Variants in IGHMBP2 observed in about 807,000 individuals in gnomAD.
IGHMBP2 encodes immunoglobulin mu DNA binding protein 2.
In IGHMBP2, 81 loss-of-function variants were observed where a neutral mutation model predicts 96.0. That is an observed-to-expected ratio of 0.84 (90% CI 0.71 to 1.01). The LOEUF (loss-of-function observed/expected upper bound fraction) is 1.01. IGHMBP2 is among the 50% of genes least tolerant of loss of function. IGHMBP2 has a pLI of 0.00. For missense variants in IGHMBP2, 1,227 were observed against 1,306.3 expected (o/e 0.94, Z 0.94); for synonymous variants, 557 against 548.9 (o/e 1.01, Z -0.21).
At chr11:68,907,289 A>T (rs1858240616) in intron 2 of IGHMBP2, among the ~76,000 whole-genome samples, 1 of 152,152 alleles carries the variant, frequency 6.6e-6, no homozygotes, top group Non-Finnish European at 1.5e-5. Context: ...GAAAAACTAC[A>T]TGTGACTCTC....
At chr11:68,934,038 A>C in intron 10 of IGHMBP2, 125 bp downstream of exon 10, 2 of 760,494 alleles carry the variant, frequency 2.6e-6, no homozygotes, top group Non-Finnish European at 4.6e-6. Context: ...GCCGTGAAAA[A>C]ACGGAGCCCC....
At chr11:68,904,329 C>A (rs1858085239) in intron 1 of IGHMBP2, among the ~76,000 whole-genome samples, 1 of 152,156 alleles carries the variant, frequency 6.6e-6, no homozygotes, top group Admixed American at 6.5e-5. Context: ...CAGTTCCACC[C>A]GCAGCGAGTT....
At position 68,917,876 on chromosome 11, in the gene IGHMBP2, A is replaced by G. The variant is rs1428895624; in HGVS notation, c.1053A>G (p.Thr351=). The change falls in exon 7 of 15, where the codon ACA becomes ACG. Residue 351 remains threonine (T), a synonymous_variant. Transcript: ENST00000255078. ...SLTSANVVLA[T]NTGASADGPL... ...CTTCGGCAAACGTGGTCCTTGCAAC[A>G]AACACAGGTGAGGGGGCGTCTCCAT... The G allele has an allele frequency of 6.2e-7, 1 of 1,613,986 alleles. No homozygotes were observed. Among genetic ancestry groups the G allele is most frequent in the Non-Finnish European group, 8.5e-7 (1 of 1,180,008 alleles).
intron 8 of IGHMBP2, chr11:68,933,050 A>G (rs1859376376): frequency 3.5e-6 from 2 of 569,804 alleles, no homozygotes; most frequent in South Asian, 4.0e-5. Context: ...CCATCCCAGG[A>G]TCCTTAACTT....
chr11:68,913,543 C>T (rs1456341084), intron 5 of IGHMBP2, among the ~76,000 whole-genome samples: 1 of 151,962 alleles, frequency 6.6e-6, no homozygotes, highest in Non-Finnish European at 1.5e-5. Flanking sequence ...TGGTCTTAAA[C>T]TCCTGACCTC....
At chr11:68,917,687 G>A in intron 6 of IGHMBP2, 49 bp from the exon 7 acceptor site, 1 of 1,480,234 alleles carries the variant, frequency 6.8e-7, no homozygotes, top group South Asian at 1.1e-5. Flanking sequence ...AGTTGAAGAA[G>A]TACAAAGTTG....
chr11:68,937,273 T>G (rs1047293263), intron 13 of IGHMBP2, among the ~76,000 whole-genome samples, 182 bp downstream of exon 13: 8 of 152,164 alleles, frequency 5.3e-5, no homozygotes, highest in African/African-American at 1.7e-4. Context: ...CCTAGGTCGG[T>G]GATCAGGTCA....
chr11:68,908,842 G>GTCT (rs1555242755), intron 4 of IGHMBP2, among the ~76,000 whole-genome samples: 1 of 134,620 alleles, frequency 7.4e-6, no homozygotes, highest in Non-Finnish European at 1.6e-5. Flanking sequence ...TTCCATTGAG[G>GTCT]TTTTTTTTTT....
intron 2 of IGHMBP2, 109 bp downstream of exon 2, chr11:68,906,347 G>A: frequency 8.4e-7 from 1 of 1,193,198 alleles, no homozygotes; most frequent in African/African-American, 1.5e-5. Context: ...ATAAAGCGTT[G>A]CAATGAAGAA....
In IGHMBP2 at chr11:68,939,750, G is replaced by T. The variant is rs773774188; in HGVS notation, c.*19G>T. On this transcript the variant is annotated 3_prime_UTR_variant, in exon 15 of 15. Transcript: ENST00000255078. ...GACGTGACCGGCCGCATCCTTGCAC[G>T]CCCCGCGGAGCTCTCTCCATGGTAG... 6.3e-7 allele frequency: 1 copy of T among 1,588,742 alleles called. No homozygotes were observed. The highest frequency in any genetic ancestry group is 1.8e-5 in the Admixed American group (1 of 55,180).
At chr11:68,924,477 G>A (rs771227770) in intron 7 of IGHMBP2, among the ~76,000 whole-genome samples, 17 of 152,250 alleles carry the variant, frequency 1.1e-4, no homozygotes, top group African/African-American at 2.2e-4. Flanking sequence ...ACAAGGCTGC[G>A]ATCGAGGTGT....
intron 7 of IGHMBP2, chr11:68,926,283 T>A (rs201241533): frequency 0.068 from 10,049 of 148,560 alleles, 436 homozygotes; most frequent in South Asian, 0.097. Flanking sequence ...TTTTTTTTTT[T>A]TTTTTTTAGA....
chr11:68,910,970 G>GT (rs778748247), intron 4 of IGHMBP2, among the ~76,000 whole-genome samples: 18 of 151,698 alleles, frequency 1.2e-4, no homozygotes, highest in Non-Finnish European at 2.4e-4. Flanking sequence ...GTTAATCATT[G>GT]TTTTTGTCAT....
chr11:68,921,298 T>C (rs1321455413), intron 7 of IGHMBP2, among the ~76,000 whole-genome samples: 4 of 150,470 alleles, frequency 2.7e-5, no homozygotes, highest in Non-Finnish European at 5.9e-5. Flanking sequence ...AAGGTCTTGC[T>C]GTTTTGCCCA....
intron 2 of IGHMBP2, 36 bp from the exon 3 acceptor site, chr11:68,908,109 C>T: frequency 1.3e-6 from 2 of 1,517,422 alleles, no homozygotes; most frequent in Non-Finnish European, 9.2e-7. Context: ...GAAGCTTTCC[C>T]CAGTGTCTTG....
In IGHMBP2 at chr11:68,933,778, C is replaced by G. The variant is rs1566443635; in HGVS notation, c.1419-17C>G. ...ACTGTGGCCCCCTGATGTGCTCCCT[C>G]TCTGCCTGTGTGCCAGGGACCTCCC... On this transcript the variant is annotated splice_polypyrimidine_tract_variant and intron_variant, in intron 9 of 14. Coordinates refer to ENST00000255078, the MANE Select transcript of IGHMBP2 (RefSeq NM_002180.3). 2 of 1,596,634 alleles carry G rather than the reference C, an allele frequency of 1.3e-6. No homozygotes were observed. Among genetic ancestry groups the G allele is most frequent in the Non-Finnish European group, 1.7e-6 (2 of 1,165,188 alleles).
At chr11:68,937,284 C>T (rs1413168288) in intron 13 of IGHMBP2, among the ~76,000 whole-genome samples, 193 bp downstream of exon 13, 4 of 152,198 alleles carry the variant, frequency 2.6e-5, no homozygotes, top group African/African-American at 7.2e-5. Flanking sequence ...GATCAGGTCA[C>T]GGGCACCTTC....
rs370700159 is a variant in IGHMBP2 at position 68,915,028 on chromosome 11, G to T, written c.912+5G>T. On this transcript the variant is annotated splice_donor_5th_base_variant and intron_variant, in intron 6 of 14. Coordinates refer to ENST00000255078, the MANE Select transcript of IGHMBP2 (RefSeq NM_002180.3). Reference sequence around the variant, plus strand: ...AAGGACATCGACCAGGTCTTTGTAGGTGTCATGGCCAGTGTCCATGTGGGG... The same window carrying T: ...AAGGACATCGACCAGGTCTTTGTAGTTGTCATGGCCAGTGTCCATGTGGGG... 3.1e-6 allele frequency: 5 copies of T among 1,612,994 alleles called. No homozygotes were observed. In the African/African-American group the frequency reaches 6.7e-5, roughly 22 times the overall value.
At chr11:68,936,146 C>A in intron 12 of IGHMBP2, 91 bp from the exon 13 acceptor site, 1 of 1,483,810 alleles carries the variant, frequency 6.7e-7, no homozygotes, top group Non-Finnish European at 9.3e-7. Context: ...GGGGACTACA[C>A]TTTTGGTGGT....
Sources: allele counts gnomAD v4.1 joint callset (sites outside exome capture counted in the v4.1 genomes callset), GRCh38; gene constraint gnomAD v4.1.1; transcripts MANE v1.5; gene names NCBI Gene and HGNC (gene_info 2026-07-23, HGNC 2026-07-21).